NSMCE2: variants seen among roughly 807,000 people sequenced by gnomAD.
NSMCE2 encodes the protein E3 SUMO-protein ligase NSE2.
Under a neutral mutation model 23.8 loss-of-function variants are expected in NSMCE2, and 24 were observed. The ratio of observed to expected loss-of-function variants is 1.01; its 90% CI spans 0.73 to 1.42. The LOEUF (loss-of-function observed/expected upper bound fraction) is 1.42. Ranked by LOEUF, NSMCE2 falls within the 40% of genes most tolerant of loss-of-function variation. The pLI is 0.00. For synonymous variants in NSMCE2, 92 were observed against 94.1 expected, an observed-to-expected ratio of 0.98 and a Z score of 0.13; for missense variants, 284 against 296.5, an observed-to-expected ratio of 0.96 and a Z score of 0.31.
intron 5 of NSMCE2, among the ~76,000 whole-genome samples, chr8:125,334,311 C>T (rs942059149): frequency 6.6e-6 from 1 of 152,118 alleles, no homozygotes; most frequent in Non-Finnish European, 1.5e-5. Context: ...TGTAGCACAG[C>T]GCTCCAGGCT....
chr8:125,316,016 G>A (rs961138543), intron 5 of NSMCE2, among the ~76,000 whole-genome samples: 9 of 151,924 alleles, frequency 5.9e-5, no homozygotes, highest in African/African-American at 7.3e-5. Flanking sequence ...TGTGTTGCCC[G>A]GGCTGGTCTC....
At chr8:125,321,832 TAGTC>T (rs1829470799) in intron 5 of NSMCE2, among the ~76,000 whole-genome samples, 1 of 152,082 alleles carries the variant, frequency 6.6e-6, no homozygotes, top group East Asian at 1.9e-4. Flanking sequence ...CCAGACATGA[TAGTC>T]AGTTTTTGTT....
At chr8:125,139,621 G>A (rs144080929) in intron 3 of NSMCE2, among the ~76,000 whole-genome samples, 1 of 152,246 alleles carries the variant, frequency 6.6e-6, no homozygotes, top group East Asian at 1.9e-4. Context: ...GATCTCATGA[G>A]ATTTATTCAC....
chr8:125,104,659 G>T (rs1449236778), intron 3 of NSMCE2, among the ~76,000 whole-genome samples: 1 of 152,132 alleles, frequency 6.6e-6, no homozygotes, highest in Non-Finnish European at 1.5e-5. Context: ...CTCTTTATCT[G>T]CATAGCTCCC....
In NSMCE2 at chr8:125,151,221, A is replaced by C. The variant is rs1586521046; in HGVS notation, c.208A>C (p.Thr70Pro). 1 of 1,610,512 alleles carries C rather than the reference A, an allele frequency of 6.2e-7. No individual in the cohort carries two copies. ...GGACAAGGCAATGGTTGAATTTGCT[A>C]CATTGGATCGGCAACTAAACCATTA... ...SMDKAMVEFA[T>P]LDRQLNHYVK... Residue 70 changes from threonine (T) to proline (P), a missense_variant, in exon 4 of 8, where the codon ACA becomes CCA. Transcript: ENST00000287437.
intron 5 of NSMCE2, among the ~76,000 whole-genome samples, chr8:125,192,126 G>C (rs552909846): frequency 1.3e-5 from 2 of 152,272 alleles, no homozygotes; most frequent in Non-Finnish European, 2.9e-5. Context: ...TCCACACTCA[G>C]AAAGTAGCCT....
chr8:125,274,904 T>C, intron 5 of NSMCE2, among the ~76,000 whole-genome samples: 1 of 139,860 alleles, frequency 7.2e-6, no homozygotes, highest in Non-Finnish European at 1.5e-5. Flanking sequence ...CACTCCAGCC[T>C]GGGCTTCAGA....
At chr8:125,298,697 G>GTT (rs56972472) in intron 5 of NSMCE2, among the ~76,000 whole-genome samples, 2 of 68,384 alleles carry the variant, frequency 2.9e-5, no homozygotes, top group Non-Finnish European at 3.2e-5. Context: ...GTTTTTTTTT[G>GTT]TTTTTTTTTT....
chr8:125,326,561 G>A (rs190993397), intron 5 of NSMCE2, among the ~76,000 whole-genome samples: 5 of 152,288 alleles, frequency 3.3e-5, no homozygotes, highest in Admixed American at 3.3e-4. Flanking sequence ...TTGTGGAAAA[G>A]AGAGAGAGGA....
At chr8:125,323,248 G>A (rs1054565959) in intron 5 of NSMCE2, among the ~76,000 whole-genome samples, 7 of 152,122 alleles carry the variant, frequency 4.6e-5, no homozygotes, top group African/African-American at 1.4e-4. Flanking sequence ...TTGATTCAAA[G>A]AAACCACAAT....
At position 125,357,832 on chromosome 8, in the gene NSMCE2, G is replaced by A; in HGVS notation, c.626+14G>A. The A allele has an allele frequency of 6.3e-7, 1 of 1,582,306 alleles. No homozygotes were observed. Among genetic ancestry groups the A allele is most frequent in the Non-Finnish European group, 8.7e-7 (1 of 1,150,974 alleles). On this transcript the variant is annotated intron_variant, in intron 7 of 7. Transcript: ENST00000287437. ...GAAAAAGGCCTAGTGAGTGGACGCAGGGAAGGAAGTGGAGCCTTCCCTAGT... is the reference window on the plus strand; with the variant it reads ...GAAAAAGGCCTAGTGAGTGGACGCAAGGAAGGAAGTGGAGCCTTCCCTAGT...
At chr8:125,335,462 T>C (rs1342851354) in intron 5 of NSMCE2, among the ~76,000 whole-genome samples, 1 of 152,234 alleles carries the variant, frequency 6.6e-6, no homozygotes, top group African/African-American at 2.4e-5. Context: ...TTTAAGCCCC[T>C]GCTGGATCCT....
chr8:125,214,410 G>A (rs143521006), intron 5 of NSMCE2, among the ~76,000 whole-genome samples: 212 of 152,310 alleles, frequency 1.4e-3, no homozygotes, highest in African/African-American at 4.8e-3. Flanking sequence ...TTAAAGGAAT[G>A]AGATCAGAAT....
intron 3 of NSMCE2, among the ~76,000 whole-genome samples, chr8:125,113,035 G>A (rs946216435): frequency 9.7e-5 from 12 of 123,376 alleles, no homozygotes; most frequent in Non-Finnish European, 1.5e-4. Context: ...AAATTTAAAA[G>A]TGAATATATA....
chr8:125,357,075 C>G (rs1224241545), intron 5 of NSMCE2, 144 bp from the exon 6 acceptor site: 5 of 613,596 alleles, frequency 8.1e-6, no homozygotes, highest in Non-Finnish European at 1.5e-5. Flanking sequence ...CTCTGAAAAG[C>G]AGAAGAGTTT....
chr8:125,262,866 A>G (rs866733205), intron 5 of NSMCE2, among the ~76,000 whole-genome samples: 13 of 152,196 alleles, frequency 8.5e-5, no homozygotes, highest in Admixed American at 2.6e-4. Flanking sequence ...CCCAGGTGTT[A>G]TATAAAGCAA....
intron 5 of NSMCE2, among the ~76,000 whole-genome samples, chr8:125,193,233 C>A (rs1240627247): frequency 6.6e-6 from 1 of 152,126 alleles, no homozygotes; most frequent in Non-Finnish European, 1.5e-5. Context: ...AAAATTAAAA[C>A]CTCCAACTTA....
intron 5 of NSMCE2, among the ~76,000 whole-genome samples, chr8:125,257,414 A>G (rs1036502448): frequency 6.6e-6 from 1 of 152,024 alleles, no homozygotes; most frequent in Non-Finnish European, 1.5e-5. Context: ...CAGAGAGTTG[A>G]AAAAGGGGGT....
intron 5 of NSMCE2, among the ~76,000 whole-genome samples, chr8:125,201,943 CGAAGCTTCAGCCTCG>C (rs1374394560): frequency 1.3e-5 from 2 of 152,162 alleles, no homozygotes; most frequent in Non-Finnish European, 2.9e-5. Flanking sequence ...CGCCTTCCTG[CGAAGCTTCAGCCTCG>C]CAGGTTCTCA....
Sources: gnomAD v4.1 joint callset for allele counts (sites outside exome capture counted in the v4.1 genomes callset) on GRCh38, gnomAD v4.1.1 for gene constraint, MANE v1.5 for transcripts, NCBI Gene and HGNC (gene_info 2026-07-23, HGNC 2026-07-21) for gene names.